Variants in MARCHF1 observed in about 807,000 individuals in gnomAD.
The protein encoded by MARCHF1 is membrane associated ring-CH-type finger 1.
Under a neutral mutation model 54.2 loss-of-function variants are expected in MARCHF1, and 40 were observed. The ratio of observed to expected loss-of-function variants is 0.74; its 90% CI spans 0.57 to 0.96. The LOEUF (loss-of-function observed/expected upper bound fraction) is 0.96, where lower values mean the gene tolerates loss of function less well. Among genes scored for constraint, MARCHF1 ranks in the 40% least tolerant of loss-of-function variants. The probability of loss-of-function intolerance (pLI) is 0.00; values close to 1 mark genes in which losing one functional copy is unlikely to be tolerated. For synonymous variants in MARCHF1, 236 were observed against 236.3 expected (o/e 1.00, Z 0.01); for missense variants, 586 against 656.5 (o/e 0.89, Z 1.17).
intron 1 of MARCHF1, among the ~76,000 whole-genome samples, chr4:164,177,266 A>G (rs1730714846): frequency 6.6e-6 from 1 of 151,894 alleles, no homozygotes; most frequent in African/African-American, 2.4e-5. Flanking sequence ...CACATACACT[A>G]TTTTATACAA....
chr4:164,143,659 G>C (rs1729563369), intron 1 of MARCHF1, among the ~76,000 whole-genome samples: 1 of 152,124 alleles, frequency 6.6e-6, no homozygotes, highest in Admixed American at 6.6e-5. Context: ...CCCTAAAAGA[G>C]CTCCTGAAAG....
chr4:163,793,634 C>A (rs183065031), intron 4 of MARCHF1, among the ~76,000 whole-genome samples: 6 of 152,154 alleles, frequency 3.9e-5, no homozygotes, highest in African/African-American at 1.4e-4. Context: ...ATGAAATCCA[C>A]AAGCAGACAG....
intron 5 of MARCHF1, among the ~76,000 whole-genome samples, chr4:163,698,971 G>A (rs184044542): frequency 2.0e-5 from 3 of 152,262 alleles, no homozygotes; most frequent in Admixed American, 1.3e-4. Flanking sequence ...TCCTTCAGGT[G>A]ACTGATATTA....
chr4:164,196,824 C>T (rs150946561), intron 1 of MARCHF1, among the ~76,000 whole-genome samples: 175 of 152,234 alleles, frequency 1.1e-3, no homozygotes, highest in African/African-American at 3.8e-3. Context: ...CCTCCCTCCA[C>T]AACCCCCAGT....
chr4:164,286,146 C>T (rs1294716483), intron 1 of MARCHF1, among the ~76,000 whole-genome samples: 8 of 152,122 alleles, frequency 5.3e-5, no homozygotes, highest in African/African-American at 1.7e-4. Context: ...TCTACCTGTA[C>T]TAAACTCTCA....
At chr4:163,830,924 C>T (rs926670117) in intron 4 of MARCHF1, among the ~76,000 whole-genome samples, 3 of 152,268 alleles carry the variant, frequency 2.0e-5, no homozygotes, top group Middle Eastern at 3.4e-3. Flanking sequence ...GGACGCCTAC[C>T]AGCAACACTG....
At chr4:164,241,240 C>T (rs561676124) in intron 1 of MARCHF1, among the ~76,000 whole-genome samples, 7 of 152,204 alleles carry the variant, frequency 4.6e-5, no homozygotes, top group Admixed American at 3.3e-4. Context: ...AGTATCTATT[C>T]CCTAGGACCT....
chr4:163,841,108 T>G (rs1376419226), intron 4 of MARCHF1, among the ~76,000 whole-genome samples: 1 of 152,062 alleles, frequency 6.6e-6, no homozygotes, highest in African/African-American at 2.4e-5. Context: ...AATTAATACA[T>G]GGGGACCAGG....
chr4:163,950,811 G>T (rs775439539), intron 3 of MARCHF1, among the ~76,000 whole-genome samples: 1 of 152,182 alleles, frequency 6.6e-6, no homozygotes, highest in Non-Finnish European at 1.5e-5. Flanking sequence ...TATTGAGTAC[G>T]TAAATTTATG....
At chr4:163,877,859 C>T (rs1750327322) in intron 3 of MARCHF1, among the ~76,000 whole-genome samples, 1 of 152,128 alleles carries the variant, frequency 6.6e-6, no homozygotes. Flanking sequence ...TGCTGAACAC[C>T]CTCCAATGAC....
At chr4:164,335,579 C>T (rs111898607) in intron 1 of MARCHF1, among the ~76,000 whole-genome samples, 2,156 of 103,696 alleles carry the variant, frequency 0.021, 71 homozygotes, top group East Asian at 0.17. Context: ...GAGACTCCAT[C>T]TCAAAAAAAA....
chr4:163,573,033 TAGG>T (rs1020368209), intron 8 of MARCHF1, among the ~76,000 whole-genome samples: 4 of 151,938 alleles, frequency 2.6e-5, no homozygotes, highest in Non-Finnish European at 5.9e-5. Flanking sequence ...CAGAGAAAAA[TAGG>T]AGGTCAGAAG....
intron 9 of MARCHF1, among the ~76,000 whole-genome samples, chr4:163,543,751 AAG>A (rs1411624825): frequency 3.3e-5 from 5 of 152,286 alleles, no homozygotes; most frequent in Admixed American, 2.0e-4. Flanking sequence ...AAATAAATGT[AAG>A]AGAGGGGTTT....
chr4:163,804,853 C>T (rs932803672), intron 4 of MARCHF1, among the ~76,000 whole-genome samples: 6 of 152,144 alleles, frequency 3.9e-5, no homozygotes, highest in Non-Finnish European at 8.8e-5. Context: ...TTCATTTGCA[C>T]CCACATGTAC....
chr4:164,217,002 T>C (rs188803323), intron 1 of MARCHF1, among the ~76,000 whole-genome samples: 405 of 152,224 alleles, frequency 2.7e-3, no homozygotes, highest in African/African-American at 9.3e-3. Context: ...AAAACAAATA[T>C]AGCTGGAGTA....
chr4:164,013,522 T>C (rs975266091), intron 2 of MARCHF1, among the ~76,000 whole-genome samples: 14 of 151,804 alleles, frequency 9.2e-5, no homozygotes, highest in Non-Finnish European at 1.9e-4. Context: ...AAGATATGAG[T>C]AGCCAAGTAC....
chr4:163,638,410 C>T (rs546165529), intron 5 of MARCHF1, among the ~76,000 whole-genome samples: 1 of 151,970 alleles, frequency 6.6e-6, no homozygotes, highest in South Asian at 2.1e-4. Flanking sequence ...TATACGGCAC[C>T]TACCCTCCCT....
intron 2 of MARCHF1, among the ~76,000 whole-genome samples, chr4:164,079,217 T>G (rs2111109020): frequency 6.6e-6 from 1 of 152,344 alleles, no homozygotes; most frequent in South Asian, 2.1e-4. Context: ...TTACATATGT[T>G]AAATATTTTC....
At chr4:164,354,840 G>A (rs1396214465) in intron 1 of MARCHF1, among the ~76,000 whole-genome samples, 3 of 107,638 alleles carry the variant, frequency 2.8e-5, no homozygotes, top group African/African-American at 7.3e-5. Context: ...GTTTGCAGAC[G>A]ACATGATTGT....
Sources: allele counts gnomAD v4.1 joint callset (sites outside exome capture counted in the v4.1 genomes callset), GRCh38; gene constraint gnomAD v4.1.1; transcripts MANE v1.5; gene names NCBI Gene and HGNC (gene_info 2026-07-23, HGNC 2026-07-21).